Variants in STRIT1 observed in about 807,000 individuals in gnomAD.
STRIT1 encodes small transmembrane regulator of ion transport 1, also known as sarcoplasmic/endoplasmic reticulum calcium ATPase regulator DWORF.
chr3:155,293,575 CT>C (rs141586481), intron 1 of STRIT1, 44 bp downstream of exon 1: 68,146 of 306,052 alleles, frequency 0.22, 239 homozygotes, highest in East Asian at 0.34. Context: ...GTCAAGAAGC[CT>C]TTTTTTTTTT....
rs1184373475 is a variant in STRIT1 at position 155,290,964 on chromosome 3, T to C, written c.88A>G (p.Ile30Val). The change falls in exon 2 of 3, where the codon ATT (isoleucine) becomes GTT (valine). Residue 30 changes from isoleucine (I) to valine (V), a missense_variant. Physicochemically the swap from Ile to Val is conservative, Grantham distance 29. Transcript: ENST00000489090. ...IGWIVGCIIM[I>V]YVVFS The stretch of plus-strand genomic sequence containing the variant: ...CCTTTCTAAGAGAAGACAACATAAA[T>C]CATTATGATGCAGCCCACAATCCAG... The C allele has an allele frequency of 3.3e-5, 13 of 398,516 alleles. No individual in the cohort carries two copies. The Admixed American group carries it at 5.3e-4, about 16-fold the overall frequency. The allele number at this position is 398,516 out of a possible 1,614,324, so 24.7% of individuals were successfully genotyped here. A position where few individuals can be genotyped will look rare whatever the true frequency, so the allele number is the denominator to read the frequency against.
chr3:155,292,913 T>C (rs1476888055), intron 1 of STRIT1, among the ~76,000 whole-genome samples: 3 of 152,138 alleles, frequency 2.0e-5, no homozygotes, highest in Non-Finnish European at 4.4e-5. Flanking sequence ...GTGCCACCAC[T>C]CTTTAGCGAT....
chr3:155,293,173 A>C (rs1715677305), intron 1 of STRIT1, among the ~76,000 whole-genome samples: 1 of 152,172 alleles, frequency 6.6e-6, no homozygotes. Context: ...GATGTGGAAC[A>C]AAAATTTTAG....
In STRIT1 at chr3:155,290,393, C is replaced by CTTTTTTTTT. The variant is rs5853720; in HGVS notation, c.*449_*457dup. On this transcript the variant is annotated 3_prime_UTR_variant, in exon 3 of 3. Coordinates refer to ENST00000489090, the MANE Select transcript of STRIT1 (RefSeq NM_001352129.2). ...TTTTTATCTCTAGCCCATTTTCTTT[C>CTTTTTTTTT]TTTTTTTTTTTTTTTTTTTTTTTTT... 121 of 59,610 alleles carry CTTTTTTTTT rather than the reference C, an allele frequency of 2.0e-3. 12 individuals carry two copies. Among genetic ancestry groups the CTTTTTTTTT allele is most frequent in the Admixed American group, 3.5e-3 (14 of 4,036 alleles). 3.7% of individuals were successfully genotyped at this position (59,610 alleles called of 1,614,324 possible). A position where few individuals can be genotyped will look rare whatever the true frequency, so the allele number is the denominator to read the frequency against.
In STRIT1 at chr3:155,293,678, C is replaced by G. The variant is rs1715693802; in HGVS notation, c.-46G>C. 2.5e-6 allele frequency: 1 copy of G among 396,378 alleles called. No individual in the cohort carries two copies. Among genetic ancestry groups the G allele is most frequent in the East Asian group, 3.6e-5 (1 of 27,954 alleles). 24.6% of individuals were successfully genotyped at this position (396,378 alleles called of 1,614,324 possible). The stretch of plus-strand genomic sequence containing the variant: ...TAGGTCAGGCCACGCTTACCTCTTT[C>G]TTTTGTTATCCAGCGTCTCTTTGAA... On this transcript the variant is annotated 5_prime_UTR_variant, in exon 1 of 3. Transcript: ENST00000489090.
intron 1 of STRIT1, among the ~76,000 whole-genome samples, chr3:155,292,420 AT>A (rs151250269): frequency 3.9e-5 from 6 of 152,112 alleles, no homozygotes; most frequent in African/African-American, 1.2e-4. Flanking sequence ...CATAGCAGTA[AT>A]TTTTTTGAAC....
chr3:155,292,808 C>T (rs546896096), intron 1 of STRIT1, among the ~76,000 whole-genome samples: 22 of 152,272 alleles, frequency 1.4e-4, no homozygotes, highest in African/African-American at 5.3e-4. Flanking sequence ...AAATGCTTCT[C>T]TCTTGTCCAG....
rs1715610455 is a variant in STRIT1 at position 155,290,533 on chromosome 3, C to G, written c.*318G>C. The G allele has an allele frequency of 6.6e-6, 1 of 151,030 alleles. No individual in the cohort carries two copies. Among genetic ancestry groups the G allele is most frequent in the African/African-American group, 2.4e-5 (1 of 41,038 alleles). The allele number at this position is 151,030 out of a possible 1,614,324, so 9.4% of individuals were successfully genotyped here. A position where few individuals can be genotyped will look rare whatever the true frequency, so the allele number is the denominator to read the frequency against. On this transcript the variant is annotated 3_prime_UTR_variant, in exon 3 of 3. Transcript: ENST00000489090. ...TGAGCCACCTTGCACAGCCTCAGCCCACTTTCTCTATAGTTTTTTCCAGAG... is the reference window on the plus strand; with the variant it reads ...TGAGCCACCTTGCACAGCCTCAGCCGACTTTCTCTATAGTTTTTTCCAGAG...
rs1321400353 is a variant in STRIT1, at chr3:155,290,564, G to A, written c.*287C>T. 1 of 152,040 alleles carries A rather than the reference G, an allele frequency of 6.6e-6. No individual in the cohort carries two copies. The highest frequency in any genetic ancestry group is 2.4e-5 in the African/African-American group (1 of 41,270). The allele number at this position is 152,040 out of a possible 1,614,324, so 9.4% of individuals were successfully genotyped here. ...CTCTATAGTTTTTTCCAGAGGGAAG[G>A]GGGGATAATTTTTTGTAATGTGATT... is the stretch of plus-strand genomic sequence containing the variant. On this transcript the variant is annotated 3_prime_UTR_variant, in exon 3 of 3. Transcript: ENST00000489090.
chr3:155,293,569 A>G (rs1715687840), intron 1 of STRIT1, 51 bp downstream of exon 1: 3 of 397,516 alleles, frequency 7.5e-6, no homozygotes, highest in Non-Finnish European at 1.3e-5. Context: ...ACCAAAGTCA[A>G]GAAGCCTTTT....
Position 155,290,639 on chromosome 3 carries a change from C to T in STRIT1, c.*212G>A, listed in dbSNP as rs1715613736. 5.0e-6 allele frequency: 1 copy of T among 201,966 alleles called. No individual in the cohort carries two copies. Among genetic ancestry groups the T allele is most frequent in the Non-Finnish European group, 9.9e-6 (1 of 101,488 alleles). The allele number at this position is 201,966 out of a possible 1,614,324, so 12.5% of individuals were successfully genotyped here. ...ACATGCATTTTTCATCACAGCTAAA[C>T]ATTTTTCTCACTCAGAATATAGAGA... On this transcript the variant is annotated 3_prime_UTR_variant, in exon 3 of 3. Coordinates refer to ENST00000489090, the MANE Select transcript of STRIT1 (RefSeq NM_001352129.2).
At chr3:155,293,430 A>G (rs1576716204) in intron 1 of STRIT1, among the ~76,000 whole-genome samples, 190 bp downstream of exon 1, 1 of 152,168 alleles carries the variant, frequency 6.6e-6, no homozygotes, top group South Asian at 2.1e-4. Flanking sequence ...TTCATAACCT[A>G]TAGACCTGAT....
chr3:155,293,646 G>A lies in STRIT1; in HGVS notation c.-14C>T, dbSNP rs1281205426. The A allele has an allele frequency of 7.6e-6, 3 of 394,934 alleles. No individual in the cohort carries two copies. The highest frequency in any genetic ancestry group is 1.3e-5 in the Non-Finnish European group (3 of 225,328). The allele number at this position is 394,934 out of a possible 1,614,324, so 24.5% of individuals were successfully genotyped here. On this transcript the variant is annotated 5_prime_UTR_variant, in exon 1 of 3. Coordinates refer to ENST00000489090, the MANE Select transcript of STRIT1 (RefSeq NM_001352129.2). ...TTTTTCAGCCATTATTCCTGTTGGT[G>A]GGTGGCTAGGTCAGGCCACGCTTAC...
intron 1 of STRIT1, among the ~76,000 whole-genome samples, chr3:155,292,046 C>A (rs979095287): frequency 6.6e-6 from 1 of 152,122 alleles, no homozygotes; most frequent in Non-Finnish European, 1.5e-5. Context: ...CAATTTCCAT[C>A]ACTTTAAAAT....
intron 1 of STRIT1, among the ~76,000 whole-genome samples, chr3:155,292,401 A>G (rs942555148): frequency 3.9e-5 from 6 of 152,186 alleles, no homozygotes. Flanking sequence ...TACCATTACA[A>G]TGGAAGTACA....
At chr3:155,291,137 AG>A (rs1282017736) in intron 1 of STRIT1, 99 bp from the exon 2 acceptor site, 1 of 395,374 alleles carries the variant, frequency 2.5e-6, no homozygotes, top group African/African-American at 2.1e-5. Context: ...TTAAGAAAAA[AG>A]CATACACTCT....
At chr3:155,292,739 A>T (rs928354250) in intron 1 of STRIT1, among the ~76,000 whole-genome samples, 3 of 152,284 alleles carry the variant, frequency 2.0e-5, no homozygotes, top group Middle Eastern at 3.4e-3. Flanking sequence ...TGCATATGTC[A>T]CTTACATTAC....
intron 1 of STRIT1, among the ~76,000 whole-genome samples, chr3:155,293,329 T>A (rs1362078972): frequency 6.6e-6 from 1 of 152,122 alleles, no homozygotes; most frequent in East Asian, 1.9e-4. Flanking sequence ...TGGCTCAGAA[T>A]TGAAATCAGG....
intron 1 of STRIT1, among the ~76,000 whole-genome samples, chr3:155,292,055 A>G (rs1715650503): frequency 6.6e-6 from 1 of 152,184 alleles, no homozygotes; most frequent in Admixed American, 6.5e-5. Flanking sequence ...TCACTTTAAA[A>G]TGTGAAATTT....
Sources: gnomAD v4.1 joint callset for allele counts (sites outside exome capture counted in the v4.1 genomes callset) on GRCh38, gnomAD v4.1.1 for gene constraint, MANE v1.5 for transcripts, NCBI Gene and HGNC (gene_info 2026-07-23, HGNC 2026-07-21) for gene names.